The following NCAM2 variants were observed in gnomAD, a reference collection of about 807,000 sequenced individuals.
NCAM2 encodes the protein neural cell adhesion molecule 2.
Under a neutral mutation model 98.1 loss-of-function variants are expected in NCAM2, and 30 were observed. The ratio of observed to expected loss-of-function variants is 0.31; its 90% CI spans 0.23 to 0.41. NCAM2 has a LOEUF of 0.41. NCAM2 is among the 10% of genes least tolerant of loss of function. The probability of loss-of-function intolerance (pLI) is 1.00; values close to 1 mark genes in which losing one functional copy is unlikely to be tolerated. For synonymous variants in NCAM2, 368 were observed against 342.4 expected (o/e 1.07, Z -0.83); for missense variants, 867 against 1,005.8 (o/e 0.86, Z 1.87).
chr21:21,281,865 A>G (rs2072940997), intron 2 of NCAM2, among the ~76,000 whole-genome samples: 1 of 151,704 alleles, frequency 6.6e-6, no homozygotes, highest in Non-Finnish European at 1.5e-5. Flanking sequence ...ATTTATAAAT[A>G]TAGAGATATA....
At chr21:21,344,970 C>T (rs569263659) in intron 8 of NCAM2, among the ~76,000 whole-genome samples, 2 of 152,200 alleles carry the variant, frequency 1.3e-5, no homozygotes, top group African/African-American at 4.8e-5. Flanking sequence ...GGGAAGAGAA[C>T]AAGAGTCTCT....
intron 16 of NCAM2, among the ~76,000 whole-genome samples, chr21:21,518,224 T>C (rs974290021): frequency 2.2e-4 from 33 of 152,324 alleles, no homozygotes; most frequent in African/African-American, 7.5e-4. Context: ...AGATTGTTTG[T>C]CTATGACCAT....
chr21:21,048,242 A>G (rs2065037545), intron 1 of NCAM2, among the ~76,000 whole-genome samples: 1 of 152,216 alleles, frequency 6.6e-6, no homozygotes. Context: ...TTTCATTTCT[A>G]TTAATCCCAG....
At chr21:21,455,557 C>T (rs547761874) in intron 12 of NCAM2, among the ~76,000 whole-genome samples, 6 of 151,934 alleles carry the variant, frequency 3.9e-5, no homozygotes, top group African/African-American at 9.6e-5. Flanking sequence ...CTCCAGAAAA[C>T]ATGTTTTAAA....
intron 15 of NCAM2, among the ~76,000 whole-genome samples, chr21:21,502,834 C>G (rs186971820): frequency 4.6e-4 from 70 of 151,902 alleles, no homozygotes; most frequent in Non-Finnish European, 7.8e-4. Context: ...CATCTTAGGA[C>G]TCTGACTTTT....
Position 21,107,952 on chromosome 21 carries a change from C to T in NCAM2, c.55+109334C>T, listed in dbSNP as rs537584068. On this transcript the variant is annotated intron_variant, in intron 1 of 17. Transcript: ENST00000400546. ...TTGGATATTATCTAGTTTTGTTCTA[C>T]AATTTATTAATATGTATTTGAATAT... Among the ~76,000 whole-genome samples, 72 of 151,998 alleles carry T rather than the reference C, an allele frequency of 4.7e-4. 1 individual carries two copies. In the South Asian group the frequency reaches 0.014, roughly 30 times the overall value.
chr21:21,043,850 CAAAAAA>C (rs72473034), intron 1 of NCAM2, among the ~76,000 whole-genome samples: 106 of 119,974 alleles, frequency 8.8e-4, no homozygotes, highest in Non-Finnish European at 6.2e-4. Context: ...GAGACTCCGT[CAAAAAA>C]AAAAAAAAAA....
intron 1 of NCAM2, among the ~76,000 whole-genome samples, chr21:21,094,735 G>A (rs985882333): frequency 2.6e-5 from 4 of 151,602 alleles, no homozygotes; most frequent in African/African-American, 9.7e-5. Flanking sequence ...TTTTAGACAT[G>A]ACATTATAGG....
At chr21:21,407,707 A>T (rs549435521) in intron 9 of NCAM2, among the ~76,000 whole-genome samples, 1 of 152,292 alleles carries the variant, frequency 6.6e-6, no homozygotes, top group South Asian at 2.1e-4. Context: ...TTGTAAATAA[A>T]TTTAAAGATA....
chr21:21,230,128 A>G (rs76787627), intron 1 of NCAM2, among the ~76,000 whole-genome samples: 2,117 of 151,068 alleles, frequency 0.014, 43 homozygotes, highest in African/African-American at 0.049. Flanking sequence ...TTGGATGATT[A>G]CTCTCTGTCA....
intron 1 of NCAM2, among the ~76,000 whole-genome samples, chr21:21,117,743 A>T (rs976968988): frequency 6.6e-6 from 1 of 152,128 alleles, no homozygotes; most frequent in African/African-American, 2.4e-5. Context: ...CAAAGCATAT[A>T]TCTTTGTTCG....
intron 1 of NCAM2, among the ~76,000 whole-genome samples, chr21:21,098,244 C>T (rs2066165099): frequency 6.6e-6 from 1 of 151,312 alleles, no homozygotes; most frequent in South Asian, 2.1e-4. Context: ...CCTTTGGAAA[C>T]CTAATATTTA....
At chr21:21,294,739 TA>T (rs1454029515) in intron 5 of NCAM2, among the ~76,000 whole-genome samples, 1 of 151,774 alleles carries the variant, frequency 6.6e-6, no homozygotes, top group Non-Finnish European at 1.5e-5. Context: ...CATTTTGCCT[TA>T]AGACAGAAAA....
chr21:21,161,395 T>C lies in NCAM2; in HGVS notation c.56-119183T>C, dbSNP rs575514197. Among the ~76,000 whole-genome samples, 37 of 152,108 alleles carry C rather than the reference T, an allele frequency of 2.4e-4. No homozygotes were observed. In the Middle Eastern group the frequency reaches 0.01, roughly 42 times the overall value. ...CAATAAACACGAACTGTTTACTATA[T>C]GCCAGATTTCAGATTAAGCAATTGT... On this transcript the variant is annotated intron_variant, in intron 1 of 17. Transcript: ENST00000400546.
intron 16 of NCAM2, among the ~76,000 whole-genome samples, chr21:21,516,892 CT>C (rs1443754329): frequency 2.0e-5 from 3 of 152,160 alleles, no homozygotes; most frequent in Non-Finnish European, 2.9e-5. Flanking sequence ...TCTTTTTTCT[CT>C]GTGTTTCCTC....
chr21:21,049,884 AT>A (rs1185630436), intron 1 of NCAM2, among the ~76,000 whole-genome samples: 2 of 151,862 alleles, frequency 1.3e-5, no homozygotes, highest in African/African-American at 4.8e-5. Context: ...AAAAAAAAAA[AT>A]TGTTAATATT....
intron 1 of NCAM2, among the ~76,000 whole-genome samples, chr21:21,167,199 G>A (rs1335015550): frequency 2.0e-5 from 3 of 151,762 alleles, no homozygotes; most frequent in African/African-American, 7.3e-5. Flanking sequence ...TTGCAGAGAG[G>A]ACTGCCAGTT....
At chr21:21,016,911 T>C (rs2064321039) in intron 1 of NCAM2, among the ~76,000 whole-genome samples, 1 of 152,282 alleles carries the variant, frequency 6.6e-6, no homozygotes, top group South Asian at 2.1e-4. Flanking sequence ...ATAGTCAATA[T>C]ATGGCAGGAG....
intron 1 of NCAM2, among the ~76,000 whole-genome samples, chr21:21,259,676 C>A (rs1367191739): frequency 5.3e-5 from 8 of 152,194 alleles, no homozygotes; most frequent in Non-Finnish European, 8.8e-5. Context: ...GAGACCTCTG[C>A]ACCCTCAGCC....
Sources: gnomAD v4.1 joint callset for allele counts (sites outside exome capture counted in the v4.1 genomes callset) on GRCh38, gnomAD v4.1.1 for gene constraint, MANE v1.5 for transcripts, NCBI Gene and HGNC (gene_info 2026-07-23, HGNC 2026-07-21) for gene names.